TRAK1: variants seen among roughly 807,000 people sequenced by gnomAD.
The protein encoded by TRAK1 is trafficking kinesin protein 1.
A neutral mutation model predicts 92.1 loss-of-function variants in TRAK1; 33 were observed. The observed-to-expected ratio is 0.36, with a 90% CI of 0.27 to 0.48. The LOEUF is 0.48. Ranked by LOEUF, TRAK1 falls within the 20% of genes least tolerant of loss-of-function variation. The probability of loss-of-function intolerance (pLI) is 0.99; values close to 1 mark genes in which losing one functional copy is unlikely to be tolerated. For missense variants in TRAK1, 1,123 were observed against 1,257.9 expected, an observed-to-expected ratio of 0.89 and a Z score of 1.62; for synonymous variants, 521 against 517.3, an observed-to-expected ratio of 1.01 and a Z score of -0.10.
intron 14 of TRAK1, among the ~76,000 whole-genome samples, chr3:42,216,998 C>T (rs1346246776): frequency 3.3e-5 from 5 of 152,014 alleles, no homozygotes; most frequent in Admixed American, 1.3e-4. Flanking sequence ...AAGAAGGGGG[C>T]TTTGGTGCGT....
intron 4 of TRAK1, among the ~76,000 whole-genome samples, chr3:42,187,321 A>G (rs1363715442): frequency 6.6e-6 from 1 of 152,178 alleles, no homozygotes; most frequent in Non-Finnish European, 1.5e-5. Flanking sequence ...CCAGGACCCT[A>G]TTTGGAGTTG....
At chr3:42,015,505 T>C (rs1701485538) in intron 1 of TRAK1, among the ~76,000 whole-genome samples, 1 of 152,082 alleles carries the variant, frequency 6.6e-6, no homozygotes, top group Non-Finnish European at 1.5e-5. Flanking sequence ...CTCCTCTCTA[T>C]TGGCTGTGTG....
At chr3:42,194,184 C>G (rs1422061276) in intron 9 of TRAK1, among the ~76,000 whole-genome samples, 10 of 152,200 alleles carry the variant, frequency 6.6e-5, no homozygotes, top group Admixed American at 6.5e-4. Context: ...ACAGAGCACT[C>G]TGGGAGAGGA....
intron 1 of TRAK1, among the ~76,000 whole-genome samples, chr3:42,037,705 C>T (rs183145154): frequency 1.9e-3 from 295 of 152,332 alleles, no homozygotes; most frequent in Non-Finnish European, 3.2e-3. Context: ...GAGGAAGTCT[C>T]GTGACCTGTG....
intron 1 of TRAK1, among the ~76,000 whole-genome samples, chr3:42,058,625 T>C (rs1703295954): frequency 6.6e-6 from 1 of 152,188 alleles, no homozygotes; most frequent in African/African-American, 2.4e-5. Context: ...ATTACAGGCA[T>C]GAGCCACCAT....
chr3:42,038,104 C>T (rs1702390968), intron 1 of TRAK1, among the ~76,000 whole-genome samples: 1 of 152,160 alleles, frequency 6.6e-6, no homozygotes, highest in African/African-American at 2.4e-5. Context: ...CATTGTCAGC[C>T]ACTTGCCTGA....
chr3:42,045,273 G>A (rs1461008918), intron 1 of TRAK1, among the ~76,000 whole-genome samples: 3 of 152,096 alleles, frequency 2.0e-5, no homozygotes, highest in East Asian at 3.9e-4. Flanking sequence ...GGTGACTCAC[G>A]CCTATAATCC....
upstream of TRAK1, among the ~76,000 whole-genome samples, chr3:42,086,303 TTTTC>T (rs1216160377): frequency 1.4e-5 from 2 of 139,208 alleles, no homozygotes; most frequent in African/African-American, 2.9e-5. Flanking sequence ...AGATTCTTCT[TTTTC>T]TTTCTTTTTT....
chr3:42,107,321 G>A (rs1158459183), intron 1 of TRAK1, among the ~76,000 whole-genome samples: 3 of 151,988 alleles, frequency 2.0e-5, no homozygotes, highest in Admixed American at 6.6e-5. Flanking sequence ...TGAGATCATC[G>A]TGGCCAACAT....
At chr3:42,065,678 G>A (rs769336901) in intron 1 of TRAK1, among the ~76,000 whole-genome samples, 2 of 152,100 alleles carry the variant, frequency 1.3e-5, no homozygotes, top group African/African-American at 2.4e-5. Context: ...TGTGCAGGCT[G>A]GAGTGCAGTA....
chr3:42,160,253 T>C (rs2149298114), intron 2 of TRAK1: 1 of 1,539,630 alleles, frequency 6.5e-7, no homozygotes, highest in Non-Finnish European at 8.8e-7. Flanking sequence ...CAGGGCGCAG[T>C]GTGTGCCCTG....
intron 2 of TRAK1, chr3:42,160,038 C>T (rs776628191): frequency 4.7e-5 from 23 of 486,590 alleles, no homozygotes; most frequent in Non-Finnish European, 5.8e-5. Flanking sequence ...TTGCTGAGAT[C>T]CTGTACCTTC....
intron 1 of TRAK1, among the ~76,000 whole-genome samples, chr3:42,095,741 C>T (rs984020534): frequency 6.6e-5 from 10 of 152,180 alleles, no homozygotes; most frequent in African/African-American, 2.4e-4. Flanking sequence ...TCATCATCAT[C>T]ATCATCAGTC....
intron 1 of TRAK1, among the ~76,000 whole-genome samples, chr3:42,092,686 G>GTTT (rs1559754078): frequency 0.017 from 587 of 34,886 alleles, 11 homozygotes; most frequent in South Asian, 0.045. Context: ...TTATTTTGTT[G>GTTT]TGTTGTGTTG....
intron 1 of TRAK1, among the ~76,000 whole-genome samples, chr3:42,062,717 A>G (rs557338021): frequency 4.3e-4 from 65 of 152,350 alleles, no homozygotes; most frequent in African/African-American, 1.5e-3. Context: ...TAGGTCTTTA[A>G]CAAAGACTAT....
intron 1 of TRAK1, among the ~76,000 whole-genome samples, chr3:42,115,870 A>T (rs540659667): frequency 1.3e-5 from 2 of 152,096 alleles, no homozygotes; most frequent in African/African-American, 4.8e-5. Flanking sequence ...TCTTGCTTCC[A>T]TTTCTGCCAC....
intron 1 of TRAK1, among the ~76,000 whole-genome samples, chr3:42,069,166 TACAC>T (rs948689773): frequency 6.6e-6 from 1 of 151,334 alleles, no homozygotes; most frequent in Non-Finnish European, 1.5e-5. Flanking sequence ...ACTGTGTATA[TACAC>T]ACACACACAC....
intron 2 of TRAK1, among the ~76,000 whole-genome samples, chr3:42,158,652 T>A (rs1297386657): frequency 6.6e-6 from 1 of 151,054 alleles, no homozygotes; most frequent in Non-Finnish European, 1.5e-5. Context: ...TTCTAAAAAA[T>A]TAACCAGAGG....
At chr3:42,022,960 G>T (rs909786154) in intron 1 of TRAK1, among the ~76,000 whole-genome samples, 82 of 151,494 alleles carry the variant, frequency 5.4e-4, no homozygotes, top group Non-Finnish European at 5.9e-5. Flanking sequence ...AGTTGGAGAC[G>T]ATCCTGGCTA....
Sources: gnomAD v4.1 joint callset for allele counts (sites outside exome capture counted in the v4.1 genomes callset) on GRCh38, gnomAD v4.1.1 for gene constraint, MANE v1.5 for transcripts, NCBI Gene and HGNC (gene_info 2026-07-23, HGNC 2026-07-21) for gene names.